Variants in RBMS3 observed in about 807,000 individuals in gnomAD.
RBMS3 encodes the protein RNA-binding motif, single-stranded-interacting protein 3.
In RBMS3, 27 loss-of-function variants were observed where a neutral mutation model predicts 66.8. The ratio of observed to expected loss-of-function variants is 0.40; its 90% CI spans 0.30 to 0.56. The LOEUF is 0.56. RBMS3 is among the 20% of genes least tolerant of loss of function. RBMS3 has a pLI of 0.40. For missense variants in RBMS3, 513 were observed against 549.5 expected (o/e 0.93, Z 0.66); for synonymous variants, 188 against 183.0 (o/e 1.03, Z -0.22).
intron 4 of RBMS3, among the ~76,000 whole-genome samples, chr3:29,613,609 C>G (rs1288029329): frequency 1.3e-5 from 2 of 151,778 alleles, no homozygotes; most frequent in Non-Finnish European, 2.9e-5. Context: ...GAGTGTCACT[C>G]AATCCAAAAT....
intron 1 of RBMS3, among the ~76,000 whole-genome samples, chr3:29,295,329 A>ATATATAT (rs1575486629): frequency 7.0e-6 from 1 of 142,706 alleles, no homozygotes; most frequent in East Asian, 2.0e-4. Flanking sequence ...ATATATATAC[A>ATATATAT]CACACATATA....
intron 1 of RBMS3, among the ~76,000 whole-genome samples, chr3:29,396,184 T>C (rs1433408139): frequency 6.6e-6 from 1 of 151,978 alleles, no homozygotes; most frequent in African/African-American, 2.4e-5. Context: ...ACATAACTTA[T>C]GTATGTTCCA....
chr3:29,721,478 C>T (rs2053642245), intron 4 of RBMS3, among the ~76,000 whole-genome samples: 3 of 152,106 alleles, frequency 2.0e-5, no homozygotes, highest in African/African-American at 7.2e-5. Context: ...GAGTAGGAGA[C>T]ATTCCTGTGT....
chr3:29,317,368 T>C (rs767245857), intron 1 of RBMS3, among the ~76,000 whole-genome samples: 22 of 151,932 alleles, frequency 1.4e-4, no homozygotes, highest in Non-Finnish European at 2.8e-4. Flanking sequence ...TATTGAGTTT[T>C]GTTTGGTATT....
Position 29,967,724 on chromosome 3 carries a change from C to A in RBMS3, c.1099-20419C>A, listed in dbSNP as rs770974008. Among the ~76,000 whole-genome samples the A allele has an allele frequency of 2.0e-5, 3 of 152,090 alleles. No homozygotes were observed. In the East Asian group the frequency reaches 5.8e-4, roughly 29 times the overall value. The stretch of plus-strand genomic sequence containing the variant: ...GGTTGTATTTTTCCAGAAATTTATC[C>A]GTCTTTTCTAGGTTTTCTAGTTTAT... On this transcript the variant is annotated intron_variant, in intron 12 of 14. Coordinates refer to ENST00000383767, the MANE Select transcript of RBMS3 (RefSeq NM_001003793.3).
chr3:29,549,059 G>GTTTTTTTTTTTT (rs5847579), intron 3 of RBMS3, among the ~76,000 whole-genome samples: 1 of 85,340 alleles, frequency 1.2e-5, no homozygotes, highest in Non-Finnish European at 2.3e-5. Flanking sequence ...TCCTACTTCT[G>GTTTTTTTTTTTT]TTTTTTTTTT....
intron 4 of RBMS3, among the ~76,000 whole-genome samples, chr3:29,601,097 C>G (rs2048127174): frequency 6.6e-6 from 1 of 151,710 alleles, no homozygotes; most frequent in Non-Finnish European, 1.5e-5. Context: ...CTGATTGTGA[C>G]AATTGAGTTC....
intron 6 of RBMS3, among the ~76,000 whole-genome samples, chr3:29,794,857 G>A (rs1171197013): frequency 2.6e-5 from 4 of 152,142 alleles, no homozygotes; most frequent in Non-Finnish European, 5.9e-5. Context: ...AAAACAATTT[G>A]CTAAAGGGTT....
chr3:29,755,988 C>T (rs546169807), intron 5 of RBMS3, among the ~76,000 whole-genome samples: 10 of 152,170 alleles, frequency 6.6e-5, no homozygotes, highest in African/African-American at 2.2e-4. Context: ...ATAAAGAATG[C>T]AAGTTCAGTG....
intron 14 of RBMS3, among the ~76,000 whole-genome samples, chr3:29,998,876 T>C (rs1336730296): frequency 6.6e-6 from 1 of 152,096 alleles, no homozygotes; most frequent in Non-Finnish European, 1.5e-5. Flanking sequence ...ACTTCATGTC[T>C]AAAACACCAA....
At chr3:29,524,512 C>T (rs1446919364) in intron 3 of RBMS3, among the ~76,000 whole-genome samples, 6 of 144,592 alleles carry the variant, frequency 4.1e-5, no homozygotes, top group Non-Finnish European at 7.5e-5. Flanking sequence ...ACCACAATCT[C>T]CGCCTCCCGG....
chr3:29,650,942 C>G (rs1484978978), intron 4 of RBMS3, among the ~76,000 whole-genome samples: 1 of 152,094 alleles, frequency 6.6e-6, no homozygotes, highest in Non-Finnish European at 1.5e-5. Flanking sequence ...GGTATAAATG[C>G]AATTTATTTT....
chr3:29,999,508 C>T (rs1048213658), intron 14 of RBMS3, among the ~76,000 whole-genome samples: 1 of 152,142 alleles, frequency 6.6e-6, no homozygotes, highest in Admixed American at 6.5e-5. Context: ...GACTTGGAAC[C>T]AACCTAAATG....
chr3:29,703,738 T>C (rs1264865869), intron 4 of RBMS3, among the ~76,000 whole-genome samples: 2 of 152,204 alleles, frequency 1.3e-5, no homozygotes, highest in African/African-American at 2.4e-5. Flanking sequence ...GTGAAAGACC[T>C]GTAAAATCTT....
intron 6 of RBMS3, among the ~76,000 whole-genome samples, chr3:29,837,752 T>A (rs1454522775): frequency 6.9e-6 from 1 of 144,476 alleles, no homozygotes; most frequent in Non-Finnish European, 1.5e-5. Flanking sequence ...TGTGGTATGA[T>A]TTGTTGATTT....
rs112854153 is a variant in RBMS3 at position 29,573,186 on chromosome 3, C to T, written c.308-13928C>T. ...CCCAGGCTGGAGTGCAGTGGCACAA[C>T]CTCAGCTCACTGCAACCTCCGCCTC... is the stretch of plus-strand genomic sequence containing the variant. On this transcript the variant is annotated intron_variant, in intron 3 of 14. Transcript: ENST00000383767. Among the ~76,000 whole-genome samples the T allele has an allele frequency of 2.6e-5, 4 of 152,020 alleles. No homozygotes were observed. The East Asian group carries it at 5.8e-4, about 22-fold the overall frequency.
chr3:29,618,422 C>T (rs1254853263), intron 4 of RBMS3, among the ~76,000 whole-genome samples: 1 of 151,988 alleles, frequency 6.6e-6, no homozygotes. Flanking sequence ...AGAAGAATCG[C>T]TTGAACCCAG....
At chr3:29,774,745 G>T (rs1257353355) in intron 6 of RBMS3, among the ~76,000 whole-genome samples, 2 of 151,988 alleles carry the variant, frequency 1.3e-5, no homozygotes, top group African/African-American at 2.4e-5. Context: ...TGTGGCAAAA[G>T]CTGGAATATG....
intron 14 of RBMS3, among the ~76,000 whole-genome samples, chr3:29,995,281 C>T (rs1699144102): frequency 1.3e-5 from 2 of 152,184 alleles, no homozygotes; most frequent in South Asian, 4.1e-4. Flanking sequence ...ACCAAATCTA[C>T]ATCTGATTGG....
Sources: allele counts gnomAD v4.1 joint callset (sites outside exome capture counted in the v4.1 genomes callset), GRCh38; gene constraint gnomAD v4.1.1; transcripts MANE v1.5; gene names NCBI Gene and HGNC (gene_info 2026-07-23, HGNC 2026-07-21).